TRABD: variants seen among roughly 807,000 people sequenced by gnomAD.
TRABD encodes the protein TraB domain containing.
In TRABD, 23 loss-of-function variants were observed where a neutral mutation model predicts 39.6. The ratio of observed to expected loss-of-function variants is 0.58; its 90% CI spans 0.42 to 0.82. TRABD has a LOEUF of 0.82. Among genes scored for constraint, TRABD ranks in the 40% least tolerant of loss-of-function variants. The pLI is 0.00. For missense variants in TRABD, 487 were observed against 544.9 expected (o/e 0.89, Z 1.06); for synonymous variants, 243 against 232.1 (o/e 1.05, Z -0.43).
At chr22:50,192,419 C>G (rs977359306) in intron 1 of TRABD, 2 of 152,288 alleles carry the variant, frequency 1.3e-5, no homozygotes, top group African/African-American at 2.4e-5. Flanking sequence ...GCAGCCCCCT[C>G]GTGTGGCTGC....
In TRABD at chr22:50,197,496, C is replaced by T; in HGVS notation, c.579C>T (p.Ile193=). Residue 193 remains isoleucine (I), a synonymous_variant, in exon 7 of 10, where the codon ATC becomes ATT. Transcript: ENST00000380909. ...AGTTCCACCTGGGTGACCGACCCAT[C>T]CCCGTCACCTTCAAGAGGGCCATCG... ...FCKFHLGDRP[I]PVTFKRAIAA... 1 of 1,613,894 alleles carries T rather than the reference C, an allele frequency of 6.2e-7. No individual in the cohort carries two copies. Among genetic ancestry groups the T allele is most frequent in the Non-Finnish European group, 8.5e-7 (1 of 1,180,024 alleles).
At chr22:50,190,303 A>G (rs1484148757) in intron 1 of TRABD, among the ~76,000 whole-genome samples, 1 of 152,114 alleles carries the variant, frequency 6.6e-6, no homozygotes, top group Non-Finnish European at 1.5e-5. Context: ...CGGCCCAGGA[A>G]AGCTTCTCTG....
At position 50,194,225 on chromosome 22, in the gene TRABD, C is replaced by T. The variant is rs576125096; in HGVS notation, c.113-115C>T. The stretch of plus-strand genomic sequence containing the variant: ...TGACGCTCGTCAGGAGTCTTGTGCT[C>T]TGCACCTGTTCAGTTCTCAGAACCC... On this transcript the variant is annotated intron_variant, in intron 3 of 9. Transcript: ENST00000380909. 2.2e-6 allele frequency: 3 copies of T among 1,336,648 alleles called. No individual in the cohort carries two copies. In the South Asian group the frequency reaches 4.3e-5, roughly 19 times the overall value. The allele number at this position is 1,336,648 out of a possible 1,614,324, so 82.8% of individuals were successfully genotyped here. A position where few individuals can be genotyped will look rare whatever the true frequency, so the allele number is the denominator to read the frequency against.
At chr22:50,194,545 G>A (rs2064029097) in intron 4 of TRABD, 39 bp downstream of exon 4, 2 of 1,558,076 alleles carry the variant, frequency 1.3e-6, no homozygotes, top group Admixed American at 1.9e-5. Context: ...ACACGGGTTG[G>A]TGTAAGCTCC....
chr22:50,186,267 G>T (rs2063754114), intron 1 of TRABD, among the ~76,000 whole-genome samples: 1 of 139,856 alleles, frequency 7.2e-6, no homozygotes. Flanking sequence ...GACCAGGGTC[G>T]TTGGGGGCCG....
intron 5 of TRABD, among the ~76,000 whole-genome samples, chr22:50,195,496 T>C (rs1252777622): frequency 7.3e-5 from 11 of 151,444 alleles, no homozygotes; most frequent in Non-Finnish European, 1.6e-4. Context: ...AGAGTCTCGC[T>C]CTGTTGCCCA....
chr22:50,193,711 A>C, intron 3 of TRABD, 57 bp downstream of exon 3: 1 of 1,549,138 alleles, frequency 6.5e-7, no homozygotes, highest in Non-Finnish European at 8.9e-7. Flanking sequence ...TGAGTCAGGG[A>C]GGAGGGGGAG....
chr22:50,188,842 G>A (rs2063823187), intron 1 of TRABD, among the ~76,000 whole-genome samples: 1 of 152,208 alleles, frequency 6.6e-6, no homozygotes, highest in Admixed American at 6.5e-5. Flanking sequence ...CGTCTCTGAC[G>A]CCAAAGGACT....
chr22:50,194,182 G>T (rs1288707068), intron 3 of TRABD, among the ~76,000 whole-genome samples, 158 bp from the exon 4 acceptor site: 1 of 152,376 alleles, frequency 6.6e-6, no homozygotes, highest in Middle Eastern at 3.4e-3. Flanking sequence ...TCACTGGGCA[G>T]GCAAAGCCTG....
chr22:50,197,408 CG>C (rs748062464), intron 6 of TRABD, 40 bp from the exon 7 acceptor site: 1 of 1,612,252 alleles, frequency 6.2e-7, no homozygotes, highest in South Asian at 1.1e-5. Context: ...AGGGGTGGTC[CG>C]GGGTTCCCAC....
At chr22:50,193,299 G>T (rs532806168) in intron 2 of TRABD, among the ~76,000 whole-genome samples, 7 of 152,162 alleles carry the variant, frequency 4.6e-5, no homozygotes, top group Non-Finnish European at 7.4e-5. Context: ...GATGGCAGCC[G>T]TGCCAGTGAT....
Position 50,197,879 on chromosome 22 carries a change from AGAT to A in TRABD, c.732_734del (p.Met244del). On this transcript the variant is annotated inframe_deletion, in exon 8 of 10. Coordinates refer to ENST00000380909, the MANE Select transcript of TRABD (RefSeq NM_001320485.2). ...GACCTACTGGAGCAGATGATGGCCGAGATGATTGGCGAGTTCCCAGACCTGCAC... is the reference window on the plus strand; with the variant it reads ...GACCTACTGGAGCAGATGATGGCCGAGATTGGCGAGTTCCCAGACCTGCAC... The A allele has an allele frequency of 6.2e-7, 1 of 1,610,378 alleles. No homozygotes were observed. The highest frequency in any genetic ancestry group is 8.5e-7 in the Non-Finnish European group (1 of 1,179,070).
chr22:50,197,764 G>GGCCCCCCCCCC, intron 7 of TRABD, 59 bp from the exon 8 acceptor site: 1 of 1,284,790 alleles, frequency 7.8e-7, no homozygotes, highest in Non-Finnish European at 1.1e-6. Context: ...CACAGTGCCA[G>GGCCCCCCCCCC]CCCCACCCCC....
At position 50,199,079 on chromosome 22, in the gene TRABD, G is replaced by A. The variant is rs771995856; in HGVS notation, c.*560G>A. The A allele has an allele frequency of 1.4e-6, 1 of 714,762 alleles. No individual in the cohort carries two copies. The highest frequency in any genetic ancestry group is 1.5e-5 in the South Asian group (1 of 67,302). The allele number at this position is 714,762 out of a possible 1,614,324, so 44.3% of individuals were successfully genotyped here. On this transcript the variant is annotated 3_prime_UTR_variant, in exon 10 of 10. Transcript: ENST00000380909. The stretch of plus-strand genomic sequence containing the variant: ...ATTCTGTGTTTTTGGCTTTTTTAAT[G>A]TCTTAAAATCTTTTACTCAGGTAAT...
intron 1 of TRABD, among the ~76,000 whole-genome samples, chr22:50,189,312 A>G (rs2063833590): frequency 6.6e-6 from 1 of 152,218 alleles, no homozygotes; most frequent in Non-Finnish European, 1.5e-5. Context: ...CATCCTGCCC[A>G]GGGTAGCACT....
At chr22:50,187,250 G>A (rs1479361923) in intron 1 of TRABD, among the ~76,000 whole-genome samples, 1 of 152,252 alleles carries the variant, frequency 6.6e-6, no homozygotes, top group East Asian at 1.9e-4. Context: ...GAGGTTGGGG[G>A]CTGCCAGGTG....
chr22:50,188,528 A>G (rs924342675), intron 1 of TRABD, among the ~76,000 whole-genome samples: 3 of 152,080 alleles, frequency 2.0e-5, no homozygotes, highest in African/African-American at 7.2e-5. Context: ...TGGCTTGTAG[A>G]CGGGCCCCCG....
At position 50,198,720 on chromosome 22, in the gene TRABD, C is replaced by T; in HGVS notation, c.*201C>T. 1 of 570,298 alleles carries T rather than the reference C, an allele frequency of 1.8e-6. No homozygotes were observed. The highest frequency in any genetic ancestry group is 3.0e-6 in the Non-Finnish European group (1 of 333,970). 35.3% of individuals were successfully genotyped at this position (570,298 alleles called of 1,614,324 possible). ...ATTATTTAACTGTCTGAGCTCAGGC[C>T]TCCCGGCAGCCCCTCCCCTCCCACA... On this transcript the variant is annotated 3_prime_UTR_variant, in exon 10 of 10. Coordinates refer to ENST00000380909, the MANE Select transcript of TRABD (RefSeq NM_001320485.2). The surrounding 1 kb of genome is among the most constrained non-coding windows in gnomAD (Gnocchi z 7.9).
chr22:50,196,385 G>A (rs962785082), intron 5 of TRABD, among the ~76,000 whole-genome samples: 17 of 152,258 alleles, frequency 1.1e-4, no homozygotes, highest in Non-Finnish European at 2.2e-4. Flanking sequence ...GACCGTCCCT[G>A]GGCGCGTGCA....
Sources: gnomAD v4.1 joint callset for allele counts (sites outside exome capture counted in the v4.1 genomes callset) on GRCh38, gnomAD v4.1.1 for gene constraint, Gnocchi (gnomAD v3.1) non-coding constraint, MANE v1.5 for transcripts, NCBI Gene and HGNC (gene_info 2026-07-23, HGNC 2026-07-21) for gene names.